The following SLC41A3 variants were observed in gnomAD, a reference collection of about 807,000 sequenced individuals.
SLC41A3 encodes SLC41A1-like 2.
A neutral mutation model predicts 45.4 loss-of-function variants in SLC41A3; 44 were observed. The observed-to-expected ratio is 0.97, with a 90% CI of 0.76 to 1.25. SLC41A3 has a LOEUF of 1.25. Ranked by LOEUF, SLC41A3 falls within the 50% of genes most tolerant of loss-of-function variation. The pLI, the probability that SLC41A3 is intolerant of heterozygous loss-of-function variation, is 0.00. For synonymous variants in SLC41A3, 256 were observed against 252.4 expected (o/e 1.01, Z -0.13); for missense variants, 550 against 600.6 (o/e 0.92, Z 0.88).
intron 2 of SLC41A3, among the ~76,000 whole-genome samples, chr3:126,057,416 G>T (rs968064664): frequency 6.6e-6 from 1 of 152,208 alleles, no homozygotes; most frequent in Non-Finnish European, 1.5e-5. Flanking sequence ...TTCTGTTGTT[G>T]GGTGTGTCCT....
intron 2 of SLC41A3, among the ~76,000 whole-genome samples, chr3:126,055,974 T>C (rs1167772667): frequency 6.6e-6 from 1 of 152,174 alleles, no homozygotes; most frequent in Non-Finnish European, 1.5e-5. Flanking sequence ...AGGGCTTTCA[T>C]TATCCCCATT....
chr3:126,052,737 T>G (rs9815733), intron 2 of SLC41A3, among the ~76,000 whole-genome samples: 100,051 of 151,970 alleles, frequency 0.66, 33,197 homozygotes, highest in Middle Eastern at 0.72. Flanking sequence ...CCCCAGTCCT[T>G]TGCCAACCTC....
At position 126,036,409 on chromosome 3, in the gene SLC41A3, G is replaced by A. The variant is rs912937800; in HGVS notation, c.382-2731C>T. ...GCCCAACAGTGAGTTTGGGGTGTAT[G>A]ACCCCTGCACCCTTCCTATGGGGCA... On this transcript the variant is annotated intron_variant, in intron 3 of 10. Coordinates refer to ENST00000360370, the MANE Select transcript of SLC41A3 (RefSeq NM_017836.4). Among the ~76,000 whole-genome samples, 4 of 152,152 alleles carry A rather than the reference G, an allele frequency of 2.6e-5. No homozygotes were observed. The East Asian group carries it at 7.7e-4, about 29-fold the overall frequency.
intron 6 of SLC41A3, among the ~76,000 whole-genome samples, chr3:126,021,832 G>A (rs1438882679): frequency 6.6e-6 from 1 of 152,204 alleles, no homozygotes; most frequent in African/African-American, 2.4e-5. Context: ...GCAGTTACAA[G>A]TGGGATTTTA....
intron 3 of SLC41A3, 64 bp downstream of exon 3, chr3:126,050,879 C>A: frequency 2.6e-6 from 4 of 1,539,658 alleles, no homozygotes; most frequent in Non-Finnish European, 3.5e-6. Context: ...CCAGGGGAGA[C>A]CAGGTGGTAG....
In SLC41A3 at chr3:126,022,745, T is replaced by A; in HGVS notation, c.745+41A>T. On this transcript the variant is annotated intron_variant, in intron 6 of 10. Transcript: ENST00000360370. ...TGGTGACCTGCTCCAGGGCCCCCCCTCCACGGAGCCTTTGTGTCTATAGAA... is the reference window on the plus strand; with the variant it reads ...TGGTGACCTGCTCCAGGGCCCCCCCACCACGGAGCCTTTGTGTCTATAGAA... 3 of 1,610,948 alleles carry A rather than the reference T, an allele frequency of 1.9e-6. No homozygotes were observed. In the East Asian group the frequency reaches 6.7e-5, roughly 36 times the overall value.
rs1553742157 is a variant in SLC41A3 at position 126,063,949 on chromosome 3, A to ACCCCCCG, written c.273+3997_273+3998insCGGGGGG. On this transcript the variant is annotated intron_variant, in intron 2 of 10. Transcript: ENST00000360370. The stretch of plus-strand genomic sequence containing the variant: ...ACAGGCACTGATTAAGCCAGATCCA[A>ACCCCCCG]CCCCCCCCCGGGGACACACACTCCC... Among the ~76,000 whole-genome samples the ACCCCCCG allele has an allele frequency of 3.9e-5, 4 of 102,100 alleles. No homozygotes were observed. The Admixed American group carries it at 4.8e-4, about 12-fold the overall frequency. 67.0% of individuals were successfully genotyped at this position (102,100 alleles called of 152,430 possible). A position where few individuals can be genotyped will look rare whatever the true frequency, so the allele number is the denominator to read the frequency against.
intron 2 of SLC41A3, among the ~76,000 whole-genome samples, chr3:126,054,483 T>C (rs541348342): frequency 1.3e-5 from 2 of 152,286 alleles, no homozygotes; most frequent in East Asian, 3.9e-4. Context: ...GCACACCCTC[T>C]GAGCAGAGTA....
rs570222629 is a variant in SLC41A3, at chr3:126,015,474, G to A, written c.970+20C>T. ...GCCTACCCAACCCAGGGACCACATGGGAACCCTTCAAATACGTACCACATA... is the reference window on the plus strand; with the variant it reads ...GCCTACCCAACCCAGGGACCACATGAGAACCCTTCAAATACGTACCACATA... On this transcript the variant is annotated intron_variant, in intron 8 of 10. Coordinates refer to ENST00000360370, the MANE Select transcript of SLC41A3 (RefSeq NM_017836.4). 5.0e-6 allele frequency: 8 copies of A among 1,613,638 alleles called. No individual in the cohort carries two copies. Among genetic ancestry groups the A allele is most frequent in the South Asian group, 1.1e-5 (1 of 91,014 alleles).
At chr3:126,007,275 G>A in intron 10 of SLC41A3, 50 bp from the exon 11 acceptor site, 1 of 1,585,024 alleles carries the variant, frequency 6.3e-7, no homozygotes, top group South Asian at 1.1e-5. Flanking sequence ...AGAAAGTCAA[G>A]TACAGGCAGG....
intron 1 of SLC41A3, among the ~76,000 whole-genome samples, chr3:126,090,891 C>T (rs866676510): frequency 2.0e-5 from 3 of 152,102 alleles, no homozygotes; most frequent in Non-Finnish European, 4.4e-5. Flanking sequence ...ACGAAGATGC[C>T]CTCTTCCGGC....
At chr3:126,089,842 A>C (rs577936369) in intron 1 of SLC41A3, among the ~76,000 whole-genome samples, 11 of 152,272 alleles carry the variant, frequency 7.2e-5, no homozygotes, top group African/African-American at 2.6e-4. Flanking sequence ...TGGGAATATA[A>C]GGAGGAGATA....
chr3:126,049,263 G>C (rs1943171114), intron 3 of SLC41A3, among the ~76,000 whole-genome samples: 1 of 152,178 alleles, frequency 6.6e-6, no homozygotes, highest in Admixed American at 6.5e-5. Context: ...GAGGCGGGCA[G>C]ATCACTGGAG....
chr3:126,100,823 T>C, intron 1 of SLC41A3, among the ~76,000 whole-genome samples: 1 of 152,204 alleles, frequency 6.6e-6, no homozygotes, highest in Non-Finnish European at 1.5e-5. Context: ...TTTCACAGCC[T>C]GCAGTCTGGA....
At chr3:126,063,138 T>C (rs1268237278) in intron 2 of SLC41A3, among the ~76,000 whole-genome samples, 1 of 152,174 alleles carries the variant, frequency 6.6e-6, no homozygotes, top group East Asian at 1.9e-4. Context: ...CCACTGCCCA[T>C]TATGCCTTCA....
intron 4 of SLC41A3, among the ~76,000 whole-genome samples, chr3:126,030,416 A>G (rs1038777117): frequency 3.9e-5 from 6 of 152,142 alleles, no homozygotes; most frequent in Non-Finnish European, 7.3e-5. Flanking sequence ...AAGGGATAAC[A>G]GACGTGCATA....
chr3:126,043,803 C>CAA (rs200112216), intron 3 of SLC41A3, among the ~76,000 whole-genome samples: 2 of 86,066 alleles, frequency 2.3e-5, no homozygotes, highest in African/African-American at 7.4e-5. Flanking sequence ...CATATCACTG[C>CAA]AAAAAAAAAC....
At chr3:126,077,902 C>T (rs978098936) in intron 1 of SLC41A3, among the ~76,000 whole-genome samples, 1 of 152,208 alleles carries the variant, frequency 6.6e-6, no homozygotes, top group Non-Finnish European at 1.5e-5. Context: ...GGACAGGGCA[C>T]AGGGAGGCAT....
At chr3:126,013,134 A>G (rs1580389506) in intron 8 of SLC41A3, among the ~76,000 whole-genome samples, 2 of 152,172 alleles carry the variant, frequency 1.3e-5, no homozygotes, top group South Asian at 4.1e-4. Context: ...GGCAGTCTGG[A>G]TAAGTCAGAC....
Sources: gnomAD v4.1 joint callset for allele counts (sites outside exome capture counted in the v4.1 genomes callset) on GRCh38, gnomAD v4.1.1 for gene constraint, MANE v1.5 for transcripts, NCBI Gene and HGNC (gene_info 2026-07-23, HGNC 2026-07-21) for gene names.